The following HHAT variants were observed in gnomAD, a reference collection of about 807,000 sequenced individuals.
HHAT encodes the protein hedgehog acyltransferase, also known as protein-cysteine N-palmitoyltransferase HHAT.
A neutral mutation model predicts 70.8 loss-of-function variants in HHAT; 47 were observed. The observed-to-expected ratio is 0.66, with a 90% CI of 0.53 to 0.85. HHAT has a LOEUF of 0.85. Among genes scored for constraint, HHAT ranks in the 40% least tolerant of loss-of-function variants. HHAT has a pLI of 0.00. For synonymous variants in HHAT, 228 were observed against 247.6 expected (o/e 0.92, Z 0.74); for missense variants, 609 against 604.8 (o/e 1.01, Z -0.07).
intron 1 of HHAT, among the ~76,000 whole-genome samples, chr1:210,334,694 TA>T (rs1194450630): frequency 7.3e-5 from 11 of 150,534 alleles, no homozygotes; most frequent in Admixed American, 4.0e-4. Flanking sequence ...TTTTTATTTT[TA>T]TTTTTTTTTT....
chr1:210,491,762 C>CT (rs2094555674), intron 8 of HHAT, among the ~76,000 whole-genome samples: 1 of 151,982 alleles, frequency 6.6e-6, no homozygotes, highest in Admixed American at 6.6e-5. Flanking sequence ...CTGTATTTAG[C>CT]TTTTTTGTTT....
At chr1:210,338,921 T>C (rs1228933121) in intron 1 of HHAT, among the ~76,000 whole-genome samples, 3 of 152,124 alleles carry the variant, frequency 2.0e-5, no homozygotes, top group Non-Finnish European at 4.4e-5. Flanking sequence ...CACAGTGGTG[T>C]GCACCTGGGA....
chr1:210,551,091 C>T (rs1364098459), intron 9 of HHAT, among the ~76,000 whole-genome samples: 1 of 148,902 alleles, frequency 6.7e-6, no homozygotes, highest in Non-Finnish European at 1.5e-5. Flanking sequence ...AGTAAGTTAG[C>T]CCAGATCTGT....
At chr1:210,613,839 G>A (rs1418058504) in intron 10 of HHAT, among the ~76,000 whole-genome samples, 20 of 151,594 alleles carry the variant, frequency 1.3e-4, no homozygotes, top group Admixed American at 1.3e-3. Context: ...GCAGCATAGT[G>A]AGACTTTGAC....
At chr1:210,491,764 T>C (rs879888399) in intron 8 of HHAT, among the ~76,000 whole-genome samples, 1 of 152,078 alleles carries the variant, frequency 6.6e-6, no homozygotes, top group Non-Finnish European at 1.5e-5. Context: ...GTATTTAGCT[T>C]TTTTGTTTGT....
At chr1:210,346,251 G>T (rs1228436924) in intron 1 of HHAT, among the ~76,000 whole-genome samples, 1 of 152,118 alleles carries the variant, frequency 6.6e-6, no homozygotes, top group Non-Finnish European at 1.5e-5. Context: ...TCAAATTTCA[G>T]TCGCCCAATT....
chr1:210,459,219 A>G (rs1164232262), intron 7 of HHAT, among the ~76,000 whole-genome samples: 2 of 152,172 alleles, frequency 1.3e-5, no homozygotes. Flanking sequence ...TCCCAAACCT[A>G]CAGAAGACTC....
At chr1:210,603,891 T>C (rs568773807) in intron 10 of HHAT, among the ~76,000 whole-genome samples, 58 of 152,342 alleles carry the variant, frequency 3.8e-4, no homozygotes, top group African/African-American at 1.4e-3. Context: ...CTGACATGTA[T>C]TGAAACACAA....
intron 9 of HHAT, among the ~76,000 whole-genome samples, chr1:210,587,363 C>T (rs1375531923): frequency 6.6e-6 from 1 of 152,158 alleles, no homozygotes; most frequent in Non-Finnish European, 1.5e-5. Context: ...ACCATCAGAT[C>T]TCGTGTGAGA....
At chr1:210,380,057 A>G (rs1012183617) in intron 3 of HHAT, among the ~76,000 whole-genome samples, 3 of 152,214 alleles carry the variant, frequency 2.0e-5, no homozygotes, top group African/African-American at 7.2e-5. Context: ...CCTCTTTCCC[A>G]GTAGACTGTG....
At chr1:210,577,714 C>G (rs1307881462) in intron 9 of HHAT, among the ~76,000 whole-genome samples, 1 of 127,154 alleles carries the variant, frequency 7.9e-6, no homozygotes, top group Non-Finnish European at 1.6e-5. Context: ...GTAGTGCAAT[C>G]TCAGCTCACT....
intron 7 of HHAT, among the ~76,000 whole-genome samples, chr1:210,454,229 T>C (rs373238102): frequency 6.7e-6 from 1 of 150,278 alleles, no homozygotes; most frequent in Non-Finnish European, 1.5e-5. Context: ...AAAATGTGCT[T>C]TTTAGAATTT....
intron 7 of HHAT, among the ~76,000 whole-genome samples, chr1:210,462,098 C>G (rs1320612766): frequency 6.6e-6 from 1 of 152,132 alleles, no homozygotes; most frequent in Admixed American, 6.5e-5. Flanking sequence ...AATTTATATG[C>G]CTTGAATCTG....
At chr1:210,419,690 G>T (rs986187514) in intron 7 of HHAT, among the ~76,000 whole-genome samples, 1 of 152,144 alleles carries the variant, frequency 6.6e-6, no homozygotes, top group African/African-American at 2.4e-5. Flanking sequence ...TTCCAAGGAC[G>T]AAACCTTTAA....
chr1:210,526,598 G>A (rs112756469), intron 9 of HHAT, among the ~76,000 whole-genome samples: 85 of 152,140 alleles, frequency 5.6e-4, no homozygotes, highest in African/African-American at 1.9e-3. Context: ...CTAGACTGCC[G>A]TACCTCTCTT....
intron 9 of HHAT, among the ~76,000 whole-genome samples, chr1:210,554,530 T>C (rs908798903): frequency 2.6e-5 from 4 of 152,078 alleles, no homozygotes; most frequent in Non-Finnish European, 5.9e-5. Context: ...CTGTGTGTGA[T>C]TTGTGGGTGT....
intron 9 of HHAT, among the ~76,000 whole-genome samples, chr1:210,539,974 A>G (rs1211555187): frequency 6.6e-6 from 1 of 152,204 alleles, no homozygotes; most frequent in Non-Finnish European, 1.5e-5. Flanking sequence ...TGCTTGAAGT[A>G]CACTAAAAAT....
intron 7 of HHAT, among the ~76,000 whole-genome samples, chr1:210,460,844 C>T (rs1298944143): frequency 2.6e-5 from 4 of 152,156 alleles, no homozygotes; most frequent in Admixed American, 6.5e-5. Flanking sequence ...AGGTCCCACC[C>T]GATTTGACCT....
intron 9 of HHAT, among the ~76,000 whole-genome samples, chr1:210,555,683 T>G (rs1285673579): frequency 2.0e-5 from 3 of 152,236 alleles, no homozygotes; most frequent in African/African-American, 7.2e-5. Flanking sequence ...TATTGGGTAT[T>G]ACCAACAAAC....
Sources: gnomAD v4.1 joint callset for allele counts (sites outside exome capture counted in the v4.1 genomes callset) on GRCh38, gnomAD v4.1.1 for gene constraint, MANE v1.5 for transcripts, NCBI Gene and HGNC (gene_info 2026-07-23, HGNC 2026-07-21) for gene names.